NCKAP5: variants seen among roughly 807,000 people sequenced by gnomAD.
NCKAP5 encodes the protein NCK associated protein 5.
Under a neutral mutation model 167.0 loss-of-function variants are expected in NCKAP5, and 92 were observed. The observed-to-expected ratio is 0.55, with a 90% CI of 0.47 to 0.66. NCKAP5 has a LOEUF of 0.66. Ranked by LOEUF, NCKAP5 falls within the 30% of genes least tolerant of loss-of-function variation. NCKAP5 has a pLI of 0.00. For missense variants in NCKAP5, 2,378 were observed against 2,315.0 expected, an observed-to-expected ratio of 1.03 and a Z score of -0.56; for synonymous variants, 891 against 877.4, an observed-to-expected ratio of 1.02 and a Z score of -0.27.
intron 3 of NCKAP5, among the ~76,000 whole-genome samples, chr2:133,467,764 T>C (rs1692714487): frequency 2.1e-5 from 3 of 144,496 alleles, no homozygotes; most frequent in Non-Finnish European, 4.5e-5. Context: ...CAGGAATGTA[T>C]CCATTTCTTC....
At chr2:133,477,837 G>T (rs1680067093) in intron 3 of NCKAP5, among the ~76,000 whole-genome samples, 1 of 152,170 alleles carries the variant, frequency 6.6e-6, no homozygotes, top group African/African-American at 2.4e-5. Flanking sequence ...CACATCCTGG[G>T]CAGGATGGTG....
chr2:133,072,398 G>A (rs1184637101), intron 6 of NCKAP5, among the ~76,000 whole-genome samples: 2 of 151,970 alleles, frequency 1.3e-5, no homozygotes, highest in East Asian at 3.9e-4. Flanking sequence ...GAGCACTGCT[G>A]TGCCTCTCCA....
intron 5 of NCKAP5, among the ~76,000 whole-genome samples, chr2:133,179,639 C>T (rs1432813762): frequency 1.3e-5 from 2 of 151,962 alleles, no homozygotes; most frequent in African/African-American, 4.8e-5. Flanking sequence ...AATACAAAGT[C>T]TTAGCAAAGA....
intron 3 of NCKAP5, among the ~76,000 whole-genome samples, chr2:133,309,665 A>G (rs1057513179): frequency 6.6e-6 from 1 of 152,210 alleles, no homozygotes; most frequent in Non-Finnish European, 1.5e-5. Flanking sequence ...TTAGTATGAA[A>G]CATTTAAAGT....
chr2:133,516,751 T>C (rs890255200), intron 3 of NCKAP5, among the ~76,000 whole-genome samples: 1 of 152,218 alleles, frequency 6.6e-6, no homozygotes, highest in African/African-American at 2.4e-5. Context: ...GCTAAATCTC[T>C]ATTTCAGAAA....
chr2:133,534,030 T>A (rs1394254853), intron 2 of NCKAP5, among the ~76,000 whole-genome samples: 1 of 152,190 alleles, frequency 6.6e-6, no homozygotes, highest in Non-Finnish European at 1.5e-5. Flanking sequence ...TGACCAATTA[T>A]CTGAATTATG....
intron 16 of NCKAP5, among the ~76,000 whole-genome samples, chr2:132,759,497 C>T (rs1309955988): frequency 6.6e-6 from 1 of 152,098 alleles, no homozygotes; most frequent in Non-Finnish European, 1.5e-5. Flanking sequence ...TTGTATGACA[C>T]TCCAATATTT....
intron 3 of NCKAP5, among the ~76,000 whole-genome samples, chr2:133,414,412 T>A (rs1427723641): frequency 6.6e-6 from 1 of 152,150 alleles, no homozygotes; most frequent in Non-Finnish European, 1.5e-5. Context: ...TCTAGTGGAA[T>A]CATTTACCCT....
At chr2:133,433,625 A>G (rs1231712923) in intron 3 of NCKAP5, 2 of 152,228 alleles carry the variant, frequency 1.3e-5, no homozygotes, top group African/African-American at 4.8e-5. Flanking sequence ...ACCAGCCTAC[A>G]CAGAGAAATT....
intron 2 of NCKAP5, among the ~76,000 whole-genome samples, chr2:133,547,859 C>G (rs1185607216): frequency 1.4e-5 from 2 of 147,188 alleles, no homozygotes; most frequent in African/African-American, 5.0e-5. Context: ...TCACCAGCAA[C>G]GGAACAAAGC....
intron 8 of NCKAP5, among the ~76,000 whole-genome samples, chr2:132,936,778 T>C (rs1036170145): frequency 6.6e-6 from 1 of 152,230 alleles, no homozygotes; most frequent in South Asian, 2.1e-4. Flanking sequence ...TCTTTTACTT[T>C]TTTATAGTTT....
At chr2:133,149,671 TCTCA>T (rs1389137629) in intron 5 of NCKAP5, among the ~76,000 whole-genome samples, 1 of 152,166 alleles carries the variant, frequency 6.6e-6, no homozygotes, top group Non-Finnish European at 1.5e-5. Flanking sequence ...ATCACACTGC[TCTCA>T]CTAATTATTC....
intron 5 of NCKAP5, among the ~76,000 whole-genome samples, chr2:133,137,353 C>T (rs1177189102): frequency 1.3e-5 from 2 of 151,346 alleles, no homozygotes; most frequent in Non-Finnish European, 2.9e-5. Context: ...GATAACATCA[C>T]CCAAGAGAGA....
At chr2:133,515,288 A>G (rs1683887283) in intron 3 of NCKAP5, among the ~76,000 whole-genome samples, 1 of 152,212 alleles carries the variant, frequency 6.6e-6, no homozygotes, top group African/African-American at 2.4e-5. Flanking sequence ...AGAACATAAT[A>G]CTATAACCGG....
At position 132,784,061 on chromosome 2, in the gene NCKAP5, C is replaced by T. The variant is rs755877361; in HGVS notation, c.2750G>A (p.Gly917Asp). The change falls in exon 14 of 20, where the codon GGC (glycine) becomes GAC (aspartate). Residue 917 changes from glycine to aspartate, a missense_variant. Gly to Asp is a moderately conservative substitution (Grantham distance 94, BLOSUM62 -1). This residue lies in a region of NCKAP5 where 1,325 missense variants were observed against 1,274.5 expected (regional missense o/e 1.04). Transcript: ENST00000409261. Reference protein sequence around the residue: ...GEPPTRDEHCGSGPEAGVKSP... With the variant: ...GEPPTRDEHCDSGPEAGVKSP... ...TTTCACCCCTGCCTCCGGCCCAGAG[C>T]CACAGTGTTCATCCCTCGTGGGGGG... 1 of 1,529,194 alleles carries T rather than the reference C, an allele frequency of 6.5e-7. No individual in the cohort carries two copies. The highest frequency in any genetic ancestry group is 8.8e-7 in the Non-Finnish European group (1 of 1,141,642). 94.7% of individuals were successfully genotyped at this position (1,529,194 alleles called of 1,614,324 possible).
At chr2:132,780,571 C>T (rs1002985744) in intron 15 of NCKAP5, among the ~76,000 whole-genome samples, 3 of 152,214 alleles carry the variant, frequency 2.0e-5, no homozygotes, top group Non-Finnish European at 2.9e-5. Context: ...GTCTAAGTTG[C>T]ATGAATTGGA....
chr2:133,115,003 C>A (rs1050550926), intron 6 of NCKAP5, among the ~76,000 whole-genome samples: 1 of 152,124 alleles, frequency 6.6e-6, no homozygotes, highest in Non-Finnish European at 1.5e-5. Context: ...GCTAAAATTT[C>A]TTACAAAGGG....
chr2:133,460,007 A>G (rs1394042759), intron 3 of NCKAP5, among the ~76,000 whole-genome samples: 3 of 152,208 alleles, frequency 2.0e-5, no homozygotes, highest in Non-Finnish European at 4.4e-5. Context: ...TAAAACTCGC[A>G]TCAGTTCATT....
intron 6 of NCKAP5, among the ~76,000 whole-genome samples, chr2:133,002,603 C>T (rs2077824516): frequency 6.6e-6 from 1 of 152,154 alleles, no homozygotes; most frequent in Non-Finnish European, 1.5e-5. Flanking sequence ...AAATATATGT[C>T]CTGCCCACTG....
Sources: allele counts gnomAD v4.1 joint callset (sites outside exome capture counted in the v4.1 genomes callset), GRCh38; gene constraint gnomAD v4.1.1; regional missense constraint gnomAD v4.1.1; transcripts MANE v1.5; gene names NCBI Gene and HGNC (gene_info 2026-07-23, HGNC 2026-07-21).